Variants in RALYL observed in about 807,000 individuals in gnomAD.
RALYL encodes RALY RNA binding protein like, also known as RNA-binding Raly-like protein.
A neutral mutation model predicts 35.1 loss-of-function variants in RALYL; 29 were observed. The ratio of observed to expected loss-of-function variants is 0.83; its 90% CI spans 0.61 to 1.13. RALYL has a LOEUF of 1.13. Among genes scored for constraint, RALYL ranks in the 50% most tolerant of loss-of-function variants. The probability of loss-of-function intolerance (pLI) is 0.00; values close to 1 mark genes in which losing one functional copy is unlikely to be tolerated. For missense variants in RALYL, 359 were observed against 360.4 expected (o/e 1.00, Z 0.03); for synonymous variants, 120 against 127.6 (o/e 0.94, Z 0.40).
chr8:84,320,707 G>A (rs1844639018), intron 1 of RALYL, among the ~76,000 whole-genome samples: 2 of 151,856 alleles, frequency 1.3e-5, no homozygotes, highest in Non-Finnish European at 2.9e-5. Context: ...CCTATTTCTA[G>A]GCCTCTATTC....
chr8:84,684,598 GA>G (rs1836356192), intron 2 of RALYL, among the ~76,000 whole-genome samples: 2 of 152,292 alleles, frequency 1.3e-5, no homozygotes, highest in African/African-American at 4.8e-5. Context: ...TGTGTTCAAA[GA>G]ACTACAAAGA....
chr8:84,700,638 A>C, intron 2 of RALYL, among the ~76,000 whole-genome samples: 1 of 152,226 alleles, frequency 6.6e-6, no homozygotes, highest in East Asian at 1.9e-4. Flanking sequence ...AATTCAAAAA[A>C]GAACAATGAT....
At chr8:84,386,979 C>T (rs1397108108) in intron 1 of RALYL, among the ~76,000 whole-genome samples, 6 of 151,758 alleles carry the variant, frequency 4.0e-5, no homozygotes, top group East Asian at 1.9e-4. Context: ...CTCTTTTAGC[C>T]GTTAGTGCTG....
intron 1 of RALYL, among the ~76,000 whole-genome samples, chr8:84,222,918 AC>A (rs1287883756): frequency 6.6e-6 from 1 of 152,154 alleles, no homozygotes; most frequent in Non-Finnish European, 1.5e-5. Flanking sequence ...GAATCCAAGT[AC>A]CAGAGGAGCT....
intron 4 of RALYL, among the ~76,000 whole-genome samples, chr8:84,829,681 C>CAGGTG (rs1312229780): frequency 4.6e-5 from 7 of 152,106 alleles, no homozygotes; most frequent in Non-Finnish European, 7.4e-5. Flanking sequence ...TTAAAAGATA[C>CAGGTG]AGGTGACTCT....
Position 84,529,588 on chromosome 8 carries a change from C to T in RALYL, c.256+11C>T. The T allele has an allele frequency of 1.9e-6, 3 of 1,603,276 alleles. No individual in the cohort carries two copies. The highest frequency in any genetic ancestry group is 2.6e-6 in the Non-Finnish European group (3 of 1,171,322). On this transcript the variant is annotated intron_variant, in intron 2 of 8. Coordinates refer to ENST00000521268, the MANE Select transcript of RALYL (RefSeq NM_173848.7). ...CCGGCCAACCACTTGGTAAGTCATG[C>T]TCAGACATGGATCTCACGTTATTGT...
At chr8:84,323,194 A>G (rs1301969876) in intron 1 of RALYL, among the ~76,000 whole-genome samples, 2 of 152,070 alleles carry the variant, frequency 1.3e-5, no homozygotes, top group African/African-American at 4.8e-5. Context: ...ATGTTAAATG[A>G]ATTGTAATCC....
chr8:84,674,081 ATC>A (rs1189829798), intron 2 of RALYL, among the ~76,000 whole-genome samples: 1 of 151,720 alleles, frequency 6.6e-6, no homozygotes, highest in Non-Finnish European at 1.5e-5. Flanking sequence ...CTTTGTAGAG[ATC>A]TTTCACTTTC....
At chr8:84,563,026 A>C (rs984448506) in intron 2 of RALYL, among the ~76,000 whole-genome samples, 1 of 151,866 alleles carries the variant, frequency 6.6e-6, no homozygotes, top group Admixed American at 6.6e-5. Flanking sequence ...TCACTCTTAC[A>C]TGGGCAGTCC....
intron 2 of RALYL, among the ~76,000 whole-genome samples, chr8:84,636,827 T>A (rs544551726): frequency 1.3e-5 from 2 of 152,036 alleles, no homozygotes; most frequent in South Asian, 4.1e-4. Flanking sequence ...TATACCAGCA[T>A]TAAAGCACAT....
intron 2 of RALYL, among the ~76,000 whole-genome samples, chr8:84,540,442 C>A (rs765135054): frequency 3.0e-4 from 45 of 151,918 alleles, no homozygotes; most frequent in Non-Finnish European, 6.0e-4. Flanking sequence ...ATATTTCATG[C>A]ACGCATTCAA....
intron 3 of RALYL, among the ~76,000 whole-genome samples, chr8:84,777,025 C>T (rs1816991909): frequency 6.6e-6 from 1 of 152,114 alleles, no homozygotes; most frequent in Non-Finnish European, 1.5e-5. Context: ...CTCATTCTCA[C>T]GTAAGCTTAA....
chr8:84,858,674 A>G (rs1161189716), intron 5 of RALYL, among the ~76,000 whole-genome samples: 1 of 152,138 alleles, frequency 6.6e-6, no homozygotes, highest in Non-Finnish European at 1.5e-5. Flanking sequence ...AATTTCTTTG[A>G]TTTACTGTAG....
At chr8:84,770,280 G>A (rs999576290) in intron 2 of RALYL, among the ~76,000 whole-genome samples, 5 of 151,990 alleles carry the variant, frequency 3.3e-5, no homozygotes, top group Non-Finnish European at 5.9e-5. Flanking sequence ...CCACTTATGA[G>A]TGAGAACACA....
chr8:84,790,593 G>C (rs1225084368), intron 3 of RALYL, among the ~76,000 whole-genome samples: 1 of 152,076 alleles, frequency 6.6e-6, no homozygotes, highest in Non-Finnish European at 1.5e-5. Context: ...ATTTTTCTGG[G>C]TACCAAGGAT....
chr8:84,556,302 G>A (rs2061114279), intron 2 of RALYL, among the ~76,000 whole-genome samples: 1 of 152,104 alleles, frequency 6.6e-6, no homozygotes, highest in African/African-American at 2.4e-5. Flanking sequence ...AGATACTCAA[G>A]AGTTTTACAT....
intron 3 of RALYL, among the ~76,000 whole-genome samples, chr8:84,784,696 T>C (rs763213445): frequency 2.0e-5 from 3 of 152,184 alleles, no homozygotes; most frequent in Non-Finnish European, 4.4e-5. Flanking sequence ...ATAAACTGTT[T>C]GGTGTCTTTG....
intron 1 of RALYL, among the ~76,000 whole-genome samples, chr8:84,265,983 A>G (rs1477286313): frequency 3.9e-5 from 6 of 152,164 alleles, no homozygotes; most frequent in African/African-American, 4.8e-5. Context: ...CCTTTTAAAT[A>G]AATTTTTTAA....
intron 2 of RALYL, among the ~76,000 whole-genome samples, chr8:84,689,600 G>A (rs7840422): frequency 0.19 from 29,414 of 151,860 alleles, 3,092 homozygotes; most frequent in Non-Finnish European, 0.23. Flanking sequence ...CCCAGTAATG[G>A]GATGGCTGGG....
Sources: allele counts gnomAD v4.1 joint callset (sites outside exome capture counted in the v4.1 genomes callset), GRCh38; gene constraint gnomAD v4.1.1; transcripts MANE v1.5; gene names NCBI Gene and HGNC (gene_info 2026-07-23, HGNC 2026-07-21).